The following CALN1 variants were observed in gnomAD, a reference collection of about 807,000 sequenced individuals.
CALN1 encodes the protein calneuron 1.
A neutral mutation model predicts 30.6 loss-of-function variants in CALN1; 17 were observed. The observed-to-expected ratio is 0.56, with a 90% confidence interval of 0.38 to 0.83. The LOEUF (loss-of-function observed/expected upper bound fraction) is 0.83, where lower values mean the gene tolerates loss of function less well. Ranked by LOEUF, CALN1 falls within the 40% of genes least tolerant of loss-of-function variation. The probability of loss-of-function intolerance (pLI) is 0.00; values close to 1 mark genes in which losing one functional copy is unlikely to be tolerated. For synonymous variants in CALN1, 156 were observed against 131.4 expected, an observed-to-expected ratio of 1.19 and a Z score of -1.28; for missense variants, 291 against 354.9, an observed-to-expected ratio of 0.82 and a Z score of 1.45.
At chr7:72,253,599 G>A (rs1051881418) in intron 3 of CALN1, among the ~76,000 whole-genome samples, 1 of 152,176 alleles carries the variant, frequency 6.6e-6, no homozygotes, top group African/African-American at 2.4e-5. Context: ...AAAACCATCA[G>A]ATCTCATGAA....
intron 2 of CALN1, among the ~76,000 whole-genome samples, chr7:72,340,537 G>A (rs1438153543): frequency 6.6e-6 from 1 of 152,172 alleles, no homozygotes; most frequent in Non-Finnish European, 1.5e-5. Flanking sequence ...GATTCCTCTT[G>A]GTTGGTGCCC....
chr7:72,147,516 C>G (rs1261054467), intron 3 of CALN1, among the ~76,000 whole-genome samples: 2 of 147,092 alleles, frequency 1.4e-5, no homozygotes, highest in Non-Finnish European at 1.5e-5. Context: ...TAAACTGGTT[C>G]AACCATTGTG....
At chr7:72,033,777 G>A (rs975231856) in intron 4 of CALN1, among the ~76,000 whole-genome samples, 2 of 152,144 alleles carry the variant, frequency 1.3e-5, no homozygotes, top group African/African-American at 4.8e-5. Flanking sequence ...AGTAGAACCT[G>A]CCCAGGCTTG....
chr7:72,016,357 A>G (rs554098692), intron 5 of CALN1, among the ~76,000 whole-genome samples: 2 of 152,088 alleles, frequency 1.3e-5, no homozygotes, highest in African/African-American at 4.8e-5. Context: ...TTTGTATGTA[A>G]TATTTCCTTC....
At chr7:72,291,161 G>C (rs181240130) in intron 2 of CALN1, among the ~76,000 whole-genome samples, 90 of 152,206 alleles carry the variant, frequency 5.9e-4, no homozygotes, top group African/African-American at 1.5e-3. Context: ...TGCCTCAAGT[G>C]ATCTGCCCAC....
intron 2 of CALN1, chr7:72,336,646 G>A (rs574727977): frequency 1.8e-4 from 171 of 970,338 alleles, no homozygotes; most frequent in African/African-American, 4.6e-4. Context: ...GAGGACCGAG[G>A]GAAGAAGAAA....
intron 6 of CALN1, among the ~76,000 whole-genome samples, chr7:71,794,806 G>A (rs1786791558): frequency 6.6e-6 from 1 of 151,120 alleles, no homozygotes; most frequent in Non-Finnish European, 1.5e-5. Flanking sequence ...AAGTCATTCA[G>A]AACTGCAGCT....
At chr7:72,080,781 C>A (rs576014661) in intron 4 of CALN1, among the ~76,000 whole-genome samples, 1 of 152,242 alleles carries the variant, frequency 6.6e-6, no homozygotes, top group African/African-American at 2.4e-5. Context: ...ATGGGAAAGA[C>A]GCCTGCTAAG....
the CALN1 span, among the ~76,000 whole-genome samples, chr7:72,481,380 C>G: frequency 2.6e-5 from 4 of 152,340 alleles, no homozygotes; most frequent in Non-Finnish European, 5.9e-5. Context: ...TGAGCCACCA[C>G]GCCCAGCTGA....
chr7:72,121,068 T>C (rs1808339914), intron 3 of CALN1, among the ~76,000 whole-genome samples: 1 of 147,310 alleles, frequency 6.8e-6, no homozygotes, highest in South Asian at 2.1e-4. Context: ...ATCTATTATA[T>C]ATCTATATTA....
At chr7:72,307,276 G>A (rs571640958) in intron 2 of CALN1, among the ~76,000 whole-genome samples, 1 of 152,304 alleles carries the variant, frequency 6.6e-6, no homozygotes, top group African/African-American at 2.4e-5. Flanking sequence ...CAGATGGAAA[G>A]CCATTTGAAA....
chr7:72,252,626 G>C (rs1378617093), intron 3 of CALN1, among the ~76,000 whole-genome samples: 2 of 140,994 alleles, frequency 1.4e-5, no homozygotes, highest in Admixed American at 7.1e-5. Flanking sequence ...AAAAAAGAAA[G>C]ACAGAGGAAG....
At chr7:72,399,931 C>T (rs1181614426) in intron 2 of CALN1, among the ~76,000 whole-genome samples, 1 of 152,144 alleles carries the variant, frequency 6.6e-6, no homozygotes, top group Non-Finnish European at 1.5e-5. Context: ...TTAAAAAGAG[C>T]CTGGCATCTC....
At chr7:71,848,785 A>C (rs920856200) in intron 5 of CALN1, among the ~76,000 whole-genome samples, 2 of 152,164 alleles carry the variant, frequency 1.3e-5, no homozygotes, top group Non-Finnish European at 2.9e-5. Flanking sequence ...TGTAAAGTCC[A>C]ATATCGATGA....
At chr7:72,408,500 CAG>C (rs1369541731) in intron 1 of CALN1, among the ~76,000 whole-genome samples, 1 of 151,712 alleles carries the variant, frequency 6.6e-6, no homozygotes, top group African/African-American at 2.4e-5. Context: ...ACGTGAAGGT[CAG>C]AGAGCGTAAC....
chr7:71,848,797 G>C (rs952283086), intron 5 of CALN1, among the ~76,000 whole-genome samples: 3 of 152,110 alleles, frequency 2.0e-5, no homozygotes, highest in African/African-American at 7.2e-5. Context: ...TATCGATGAT[G>C]CTGAAACTCT....
chr7:72,139,291 T>G (rs1258949904), intron 3 of CALN1, among the ~76,000 whole-genome samples: 2 of 151,846 alleles, frequency 1.3e-5, no homozygotes, highest in African/African-American at 4.8e-5. Flanking sequence ...TCTAAGCACC[T>G]CGGCCACACC....
the CALN1 span, among the ~76,000 whole-genome samples, chr7:72,469,647 C>T: frequency 1.3e-5 from 2 of 152,286 alleles, no homozygotes; most frequent in South Asian, 2.1e-4. Context: ...GATCCACCCA[C>T]GTAGGCCTCC....
At chr7:71,983,242 G>T (rs557523008) in intron 5 of CALN1, among the ~76,000 whole-genome samples, 1 of 152,270 alleles carries the variant, frequency 6.6e-6, no homozygotes, top group East Asian at 1.9e-4. Flanking sequence ...CACTTCTTGT[G>T]TGTGTCTGTG....
Sources: gnomAD v4.1 joint callset for allele counts (sites outside exome capture counted in the v4.1 genomes callset) on GRCh38, gnomAD v4.1.1 for gene constraint, MANE v1.5 for transcripts, NCBI Gene and HGNC (gene_info 2026-07-23, HGNC 2026-07-21) for gene names.